Variants in LAMA5 observed in about 807,000 individuals in gnomAD.
LAMA5 encodes the protein laminin subunit alpha-5.
LAMA5 carries 260 observed loss-of-function variants against 433.4 expected under a neutral mutation model. The observed-to-expected ratio is 0.60, with a 90% CI of 0.54 to 0.66. The LOEUF (loss-of-function observed/expected upper bound fraction) is 0.66, where lower values mean the gene tolerates loss of function less well. Ranked by LOEUF, LAMA5 falls within the 30% of genes least tolerant of loss-of-function variation. The pLI, the probability that LAMA5 is intolerant of heterozygous loss-of-function variation, is 0.00. For missense variants in LAMA5, 5,378 were observed against 5,258.5 expected (o/e 1.02, Z -0.70); for synonymous variants, 2,620 against 2,226.6 (o/e 1.18, Z -4.97).
intron 2 of LAMA5, among the ~76,000 whole-genome samples, chr20:62,354,500 C>T (rs1166468839): frequency 1.3e-5 from 2 of 152,088 alleles, no homozygotes; most frequent in Non-Finnish European, 2.9e-5. Context: ...CACACACACC[C>T]GCCCAACAGT....
At position 62,318,568 on chromosome 20, in the gene LAMA5, G is replaced by C; in HGVS notation, c.7125C>G (p.Ala2375=). 1 of 1,610,450 alleles carries C rather than the reference G, an allele frequency of 6.2e-7. No homozygotes were observed. Among genetic ancestry groups the C allele is most frequent in the Non-Finnish European group, 8.5e-7 (1 of 1,179,034 alleles). Residue 2375 remains alanine, a synonymous_variant, in exon 53 of 80, where the codon GCC becomes GCG. Coordinates refer to ENST00000252999, the MANE Select transcript of LAMA5 (RefSeq NM_005560.6). The part of the protein sequence containing the change: ...ALATQTRDRL[A]QHEAGLMDLR... Reference sequence around the variant, plus strand: ...GGTCCATGAGGCCGGCCTCGTGCTGGGCCAGCCGGTCGCGGGTTTGTGTGG... The same window carrying C: ...GGTCCATGAGGCCGGCCTCGTGCTGCGCCAGCCGGTCGCGGGTTTGTGTGG...
chr20:62,328,851 G>T lies in LAMA5; in HGVS notation c.4440C>A (p.Asn1480Lys), dbSNP rs200992006. 1.9e-6 allele frequency: 3 copies of T among 1,611,310 alleles called. No individual in the cohort carries two copies. Among genetic ancestry groups the T allele is most frequent in the Admixed American group, 3.4e-5 (2 of 59,480 alleles). Reference protein sequence around the residue: ...RCATGYWGFPNCRPCDCGARL... With the variant: ...RCATGYWGFPKCRPCDCGARL... ...AAGGACTGGGGTACTCACGCCTGCA[G>T]TTGGGGAAGCCCCAGTATCCGGTGG... Residue 1480 changes from asparagine to lysine, a missense_variant, in exon 34 of 80, where the codon AAC becomes AAA. Transcript: ENST00000252999.
At chr20:62,346,854 G>A (rs1983466136) in intron 7 of LAMA5, 54 bp from the exon 8 acceptor site, 2 of 1,606,068 alleles carry the variant, frequency 1.2e-6, no homozygotes, top group Non-Finnish European at 1.7e-6. Flanking sequence ...CCGGGCACCG[G>A]GGCCCTCTCA....
intron 50 of LAMA5, among the ~76,000 whole-genome samples, chr20:62,320,098 C>T (rs1422846468): frequency 6.6e-6 from 1 of 152,044 alleles, no homozygotes; most frequent in Non-Finnish European, 1.5e-5. Context: ...ATGGGCAGAT[C>T]ACCTGAGGTC....
At position 62,346,709 on chromosome 20, in the gene LAMA5, C is replaced by A. The variant is rs755943278; in HGVS notation, c.1164G>T (p.Gln388His). ...RASQSLDGTYQGGGVCIDCQH... is the reference protein window; with the variant it reads ...RASQSLDGTYHGGGVCIDCQH... ...GGCAGTCGATACAGACACCCCCACC[C>A]TGATAGGTGCCATCCAGGCTCTGGC... Residue 388 changes from glutamine to histidine, a missense_variant, in exon 8 of 80, where the codon CAG becomes CAT. Physicochemically the swap from Gln to His is conservative, Grantham distance 24. Transcript: ENST00000252999. 8 of 1,613,238 alleles carry A rather than the reference C, an allele frequency of 5.0e-6. No homozygotes were observed. The highest frequency in any genetic ancestry group is 4.0e-5 in the African/African-American group (3 of 74,952).
At chr20:62,340,504 T>A (rs916478620) in intron 11 of LAMA5, among the ~76,000 whole-genome samples, 3 of 150,054 alleles carry the variant, frequency 2.0e-5, no homozygotes, top group Non-Finnish European at 4.4e-5. Context: ...AGAGACGGGG[T>A]TTCTCCATGT....
Position 62,323,478 on chromosome 20 carries a change from G to T in LAMA5, c.6042C>A (p.Ala2014=), listed in dbSNP as rs1049749036. 1 of 1,546,314 alleles carries T rather than the reference G, an allele frequency of 6.5e-7. No individual in the cohort carries two copies. The highest frequency in any genetic ancestry group is 8.7e-7 in the Non-Finnish European group (1 of 1,147,060). Residue 2014 remains alanine, a synonymous_variant, in exon 45 of 80, where the codon GCC becomes GCA. Transcript: ENST00000252999. ...TACGGGTGCAGTTGCCGGGCAGCAG[G>T]GCGTTGCCGTAGAAGCCGGGGGCAC... ...EICAPGFYGN[A]LLPGNCTRCD...
chr20:62,352,094 C>A lies in LAMA5; in HGVS notation c.688-15G>T. 1.2e-6 allele frequency: 2 copies of A among 1,609,178 alleles called. No homozygotes were observed. The highest frequency in any genetic ancestry group is 1.7e-6 in the Non-Finnish European group (2 of 1,179,216). ...GACACCACGATCTGTGGGCAGTATG[C>A]GGTGACGCCAGTGTGGCCCTAGCCC... On this transcript the variant is annotated splice_polypyrimidine_tract_variant and intron_variant, in intron 4 of 79. Coordinates refer to ENST00000252999, the MANE Select transcript of LAMA5 (RefSeq NM_005560.6).
intron 31 of LAMA5, 108 bp downstream of exon 31, chr20:62,330,380 G>A: frequency 2.9e-6 from 4 of 1,384,382 alleles, no homozygotes; most frequent in Non-Finnish European, 3.8e-6. Flanking sequence ...GCAGGACAGA[G>A]TCATGTTGCC....
chr20:62,324,731 G>A lies in LAMA5; in HGVS notation c.5530-177C>T, dbSNP rs1224681178. On this transcript the variant is annotated intron_variant, in intron 41 of 79. Coordinates refer to ENST00000252999, the MANE Select transcript of LAMA5 (RefSeq NM_005560.6). This position sits in a 1 kb window ranked among gnomAD's most constrained non-coding sequence, Gnocchi z 4.4. ...GAACTCCTGGCCTCGGCCGGCTGGAGGTGGGCCAGCACCTGGCTGCTGTTT... is the reference window on the plus strand; with the variant it reads ...GAACTCCTGGCCTCGGCCGGCTGGAAGTGGGCCAGCACCTGGCTGCTGTTT... 1 of 594,188 alleles carries A rather than the reference G, an allele frequency of 1.7e-6. No individual in the cohort carries two copies. The highest frequency in any genetic ancestry group is 2.0e-5 in the South Asian group (1 of 51,114). The allele number at this position is 594,188 out of a possible 1,614,324, so 36.8% of individuals were successfully genotyped here.
At chr20:62,342,429 G>GA (rs1982741172) in intron 11 of LAMA5, 7 of 217,706 alleles carry the variant, frequency 3.2e-5, no homozygotes, top group South Asian at 2.2e-4. Flanking sequence ...TGTAATCCCA[G>GA]CACTTTGGGA....
In LAMA5 at chr20:62,313,165, TCTGA is replaced by T; in HGVS notation, c.8874_8877del (p.Ser2958ArgfsTer24). On this transcript the variant is annotated frameshift_variant, in exon 65 of 80. Coordinates refer to ENST00000252999, the MANE Select transcript of LAMA5 (RefSeq NM_005560.6). LOFTEE classifies it high-confidence loss of function. ...TGCTCGAAGCGCTTGGTGGTGCTGA[TCTGA>T]CTGTCGAAGCTGATGCGGGCGAAGC... 6.3e-7 allele frequency: 1 copy of T among 1,599,014 alleles called. No homozygotes were observed. Among genetic ancestry groups the T allele is most frequent in the Non-Finnish European group, 8.5e-7 (1 of 1,176,026 alleles).
In LAMA5 at chr20:62,317,423, G is replaced by A. The variant is rs144781761; in HGVS notation, c.7433C>T (p.Ala2478Val). ...CTCCACTAGACGCAGCTTGCTGCCCGCCGGGGAGAAGGTCTGCATCCTCTG... is the reference window on the plus strand; with the variant it reads ...CTCCACTAGACGCAGCTTGCTGCCCACCGGGGAGAAGGTCTGCATCCTCTG... ...LLQRMQTFSP[A>V]GSKLRLVEAA... The change falls in exon 55 of 80, where the codon GCG (alanine) becomes GTG (valine). Residue 2478 changes from alanine to valine, a missense_variant. Physicochemically the swap from Ala to Val is moderately conservative, Grantham distance 64. Transcript: ENST00000252999. The A allele has an allele frequency of 3.2e-4, 509 of 1,606,164 alleles. 6 individuals carry two copies. The South Asian group carries it at 3.5e-3, about 11-fold the overall frequency.
chr20:62,352,558 C>A lies in LAMA5; in HGVS notation c.569-198G>T, dbSNP rs553192669. 1.4e-4 allele frequency among the ~76,000 whole-genome samples: 22 copies of A among 152,264 alleles called. No homozygotes were observed. In the East Asian group the frequency reaches 3.5e-3, roughly 24 times the overall value. ...CACTGCCCCCCACCGCTCTCCCTTG[C>A]ACGCTTTGAGTGCGAGTGACCCCCC... On this transcript the variant is annotated intron_variant, in intron 3 of 79. Coordinates refer to ENST00000252999, the MANE Select transcript of LAMA5 (RefSeq NM_005560.6).
At chr20:62,325,613 G>T in intron 40 of LAMA5, 67 bp from the exon 41 acceptor site, 2 of 1,106,756 alleles carry the variant, frequency 1.8e-6, no homozygotes, top group Non-Finnish European at 2.6e-6. Context: ...GCCTAGAACA[G>T]ACCCCCCAAC....
Position 62,324,334 on chromosome 20 carries a change from TC to T in LAMA5, c.5643+106del. On this transcript the variant is annotated intron_variant, in intron 42 of 79. Transcript: ENST00000252999. This position sits in a 1 kb window ranked among gnomAD's most constrained non-coding sequence, Gnocchi z 4.4. ...ATGGTCCCCCACTGGGCAACACCCT[TC>T]CCCAGACCTCAGTTGACCTGGAAGT... 1 of 1,426,062 alleles carries T rather than the reference TC, an allele frequency of 7.0e-7. No homozygotes were observed. 88.3% of individuals were successfully genotyped at this position (1,426,062 alleles called of 1,614,324 possible).
rs762345802 is a variant in LAMA5, at chr20:62,351,926, G to T, written c.841C>A (p.Pro281Thr). 1 of 1,607,648 alleles carries T rather than the reference G, an allele frequency of 6.2e-7. No individual in the cohort carries two copies. Among genetic ancestry groups the T allele is most frequent in the South Asian group, 1.1e-5 (1 of 90,236 alleles). The change falls in exon 5 of 80, where the codon CCC (proline) becomes ACC (threonine). Residue 281 changes from proline (P) to threonine (T), a missense_variant. Coordinates refer to ENST00000252999, the MANE Select transcript of LAMA5 (RefSeq NM_005560.6). ...CAGCTCACCCGGCGGGTGACCGTGGGGTCCCGCAGCGCCTTCCCCATGAGA... is the reference window on the plus strand; with the variant it reads ...CAGCTCACCCGGCGGGTGACCGTGGTGTCCCGCAGCGCCTTCCCCATGAGA... ...GHLMGKALRD[P>T]TVTRRYYYSI...
intron 18 of LAMA5, 112 bp downstream of exon 18, chr20:62,336,228 A>G: frequency 2.8e-6 from 2 of 718,112 alleles, no homozygotes; most frequent in South Asian, 3.7e-5. Context: ...GGGCACACTC[A>G]CTGGCTCCAG....
At chr20:62,338,835 G>A (rs1384547683) in intron 11 of LAMA5, among the ~76,000 whole-genome samples, 13 of 152,248 alleles carry the variant, frequency 8.5e-5, no homozygotes, top group Admixed American at 3.9e-4. Context: ...TCAAGAGTTC[G>A]AGACCAGCCT....
Sources: gnomAD v4.1 joint callset for allele counts (sites outside exome capture counted in the v4.1 genomes callset) on GRCh38, gnomAD v4.1.1 for gene constraint, Gnocchi (gnomAD v3.1) non-coding constraint, MANE v1.5 for transcripts, NCBI Gene and HGNC (gene_info 2026-07-23, HGNC 2026-07-21) for gene names.